The following KLF12 variants were observed in gnomAD, a reference collection of about 807,000 sequenced individuals.
The protein encoded by KLF12 is KLF transcription factor 12, also known as Krueppel-like factor 12.
Under a neutral mutation model 37.8 loss-of-function variants are expected in KLF12, and 9 were observed. The observed-to-expected ratio is 0.24, with a 90% CI of 0.14 to 0.42. The LOEUF (loss-of-function observed/expected upper bound fraction) is 0.42, where lower values mean the gene tolerates loss of function less well. KLF12 is among the 10% of genes least tolerant of loss of function. The pLI is 1.00. For missense variants in KLF12, 411 were observed against 516.0 expected (o/e 0.80, Z 1.97); for synonymous variants, 208 against 202.1 (o/e 1.03, Z -0.25).
rs78557016 is a variant in KLF12, at chr13:73,810,446, T to C, written c.806+2706A>G. On this transcript the variant is annotated intron_variant, in intron 5 of 7. Coordinates refer to ENST00000377669, the MANE Select transcript of KLF12 (RefSeq NM_007249.5). ...GTAAGCATACTTTTTTTATTTTACT[T>C]TATTTTATTTTATTTATTTGTTTAT... is the stretch of plus-strand genomic sequence containing the variant. 1.2e-3 allele frequency among the ~76,000 whole-genome samples: 183 copies of C among 152,146 alleles called. 2 individuals are homozygous for C. The highest frequency in any genetic ancestry group is 4.0e-3 in the African/African-American group (164 of 41,490).
At chr13:74,208,929 T>C in the KLF12 span, among the ~76,000 whole-genome samples, 4 of 152,192 alleles carry the variant, frequency 2.6e-5, no homozygotes, top group African/African-American at 9.6e-5. Flanking sequence ...TGCAGCAGCT[T>C]AAGTGCTGTG....
At chr13:73,895,752 A>T (rs1487811877) in intron 3 of KLF12, among the ~76,000 whole-genome samples, 1 of 152,106 alleles carries the variant, frequency 6.6e-6, no homozygotes, top group East Asian at 1.9e-4. Context: ...TATTAGATTA[A>T]CAAGTTTTGC....
chr13:73,854,051 C>A (rs1462823728), intron 3 of KLF12, among the ~76,000 whole-genome samples: 1 of 152,138 alleles, frequency 6.6e-6, no homozygotes, highest in Admixed American at 6.5e-5. Flanking sequence ...TTTCACAAAG[C>A]ACACAAAAAT....
chr13:74,275,787 T>TTTCTTTCC, the KLF12 span, among the ~76,000 whole-genome samples: 1 of 62,326 alleles, frequency 1.6e-5, no homozygotes, highest in East Asian at 4.7e-4. Flanking sequence ...TTTTTCTTTC[T>TTTCTTTCC]TTCTTTCTTT....
At chr13:74,207,193 G>C in the KLF12 span, among the ~76,000 whole-genome samples, 2 of 152,150 alleles carry the variant, frequency 1.3e-5, no homozygotes, top group African/African-American at 4.8e-5. Context: ...CAAAGCATTA[G>C]TCCATTCATG....
the KLF12 span, among the ~76,000 whole-genome samples, chr13:74,285,642 A>T: frequency 6.6e-6 from 1 of 152,182 alleles, no homozygotes; most frequent in Non-Finnish European, 1.5e-5. Context: ...TGTAGTTACC[A>T]TCCATAGCAG....
chr13:73,710,870 TGA>T (rs929172037), intron 7 of KLF12, among the ~76,000 whole-genome samples: 1 of 152,196 alleles, frequency 6.6e-6, no homozygotes, highest in Non-Finnish European at 1.5e-5. Context: ...CTTCGAAAGC[TGA>T]GATGGGCTGG....
chr13:74,238,617 A>C, the KLF12 span, among the ~76,000 whole-genome samples: 6 of 142,672 alleles, frequency 4.2e-5, no homozygotes, highest in Non-Finnish European at 7.5e-5. Flanking sequence ...ACAATTTCAG[A>C]TCCTGTTATT....
chr13:73,756,221 T>C (rs970133381), intron 6 of KLF12, among the ~76,000 whole-genome samples: 3 of 152,208 alleles, frequency 2.0e-5, no homozygotes, highest in Non-Finnish European at 4.4e-5. Context: ...AGTGAGAAAT[T>C]TATACCAGAA....
At chr13:73,818,025 C>T (rs1412767766) in intron 4 of KLF12, among the ~76,000 whole-genome samples, 1 of 152,262 alleles carries the variant, frequency 6.6e-6, no homozygotes, top group Non-Finnish European at 1.5e-5. Context: ...TCAAAATATT[C>T]AAATGTATTT....
At chr13:74,090,393 T>C (rs1318211142) in intron 1 of KLF12, among the ~76,000 whole-genome samples, 2 of 152,138 alleles carry the variant, frequency 1.3e-5, no homozygotes, top group Non-Finnish European at 2.9e-5. Flanking sequence ...ACCTCTTTCA[T>C]TATCAACATC....
the KLF12 span, among the ~76,000 whole-genome samples, chr13:74,156,873 A>G: frequency 6.6e-6 from 1 of 152,084 alleles, no homozygotes; most frequent in Non-Finnish European, 1.5e-5. Context: ...TTATCTGTTC[A>G]TCAGTTGATG....
intron 4 of KLF12, among the ~76,000 whole-genome samples, chr13:73,830,859 T>C (rs577041397): frequency 2.1e-4 from 32 of 152,286 alleles, no homozygotes; most frequent in African/African-American, 7.7e-4. Context: ...TAAATTTCCC[T>C]GCACCTAGAA....
the KLF12 span, among the ~76,000 whole-genome samples, chr13:74,170,818 G>T: frequency 6.6e-6 from 1 of 152,182 alleles, no homozygotes; most frequent in Non-Finnish European, 1.5e-5. Context: ...AGGCTGGAGT[G>T]CAGTGGGGCA....
intron 1 of KLF12, among the ~76,000 whole-genome samples, chr13:74,040,722 A>G (rs1250293562): frequency 6.6e-6 from 1 of 152,182 alleles, no homozygotes; most frequent in Non-Finnish European, 1.5e-5. Flanking sequence ...TACACACCCT[A>G]CATATAATAT....
the KLF12 span, among the ~76,000 whole-genome samples, chr13:74,270,966 G>A: frequency 1.3e-5 from 2 of 152,156 alleles, no homozygotes; most frequent in Admixed American, 1.3e-4. Flanking sequence ...GCTGGTACCG[G>A]TTCATGGCCT....
rs965633299 is a variant in KLF12 at position 73,691,436 on chromosome 13, A to T, written c.*4054T>A. On this transcript the variant is annotated 3_prime_UTR_variant, in exon 8 of 8. Coordinates refer to ENST00000377669, the MANE Select transcript of KLF12 (RefSeq NM_007249.5). ...GTTTACAGGCAACATTGAAGAGCAA[A>T]ATCTGAGACTGGATTATGAACTATG... 2.6e-5 allele frequency: 4 copies of T among 152,648 alleles called. No individual in the cohort carries two copies. Among genetic ancestry groups the T allele is most frequent in the Non-Finnish European group, 5.9e-5 (4 of 68,042 alleles). 9.5% of individuals were successfully genotyped at this position (152,648 alleles called of 1,614,324 possible).
chr13:74,131,144 T>C (rs1352080941), intron 1 of KLF12, among the ~76,000 whole-genome samples: 1 of 152,178 alleles, frequency 6.6e-6, no homozygotes, highest in Non-Finnish European at 1.5e-5. Flanking sequence ...AACACACCTA[T>C]ATTTAAGGCC....
intron 7 of KLF12, among the ~76,000 whole-genome samples, chr13:73,698,362 C>A (rs896163587): frequency 1.3e-5 from 2 of 152,070 alleles, no homozygotes; most frequent in Non-Finnish European, 1.5e-5. Context: ...ATGTGAGAGG[C>A]TGGTAGCAAG....
Sources: allele counts gnomAD v4.1 joint callset (sites outside exome capture counted in the v4.1 genomes callset), GRCh38; gene constraint gnomAD v4.1.1; transcripts MANE v1.5; gene names NCBI Gene and HGNC (gene_info 2026-07-23, HGNC 2026-07-21).